The following MPPED1 variants were observed in gnomAD, a reference collection of about 807,000 sequenced individuals.
The protein encoded by MPPED1 is metallophosphoesterase domain containing 1.
MPPED1 carries 16 observed loss-of-function variants against 36.2 expected under a neutral mutation model. That is an observed-to-expected ratio of 0.44 (90% confidence interval 0.30 to 0.67). MPPED1 has a LOEUF of 0.67. MPPED1 is among the 30% of genes least tolerant of loss of function. The pLI is 0.10. For missense variants in MPPED1, 307 were observed against 453.4 expected, an observed-to-expected ratio of 0.68 and a Z score of 2.93; for synonymous variants, 199 against 191.3, an observed-to-expected ratio of 1.04 and a Z score of -0.33.
chr22:43,417,602 C>A (rs973324826), intron 1 of MPPED1: 13 of 154,684 alleles, frequency 8.4e-5, no homozygotes, highest in African/African-American at 1.4e-4. Context: ...TCTCCCCAGA[C>A]CCCCACACCT....
chr22:43,445,885 CT>C (rs1395810860), intron 3 of MPPED1, among the ~76,000 whole-genome samples: 6 of 101,068 alleles, frequency 5.9e-5, no homozygotes, highest in South Asian at 3.0e-4. Context: ...TTTACATTTT[CT>C]TTTTTTTTTT....
intron 3 of MPPED1, among the ~76,000 whole-genome samples, chr22:43,458,194 G>C (rs1930821588): frequency 6.6e-6 from 1 of 152,122 alleles, no homozygotes; most frequent in South Asian, 2.1e-4. Flanking sequence ...ATGCATCTCT[G>C]TCATTAACAG....
intron 4 of MPPED1, among the ~76,000 whole-genome samples, chr22:43,495,264 AGGT>A (rs1163197070): frequency 3.8e-4 from 40 of 104,676 alleles, no homozygotes; most frequent in Non-Finnish European, 6.2e-4. Context: ...GTGGTGATGG[AGGT>A]GGTGGTGGTG....
chr22:43,440,855 G>A (rs562924005), intron 3 of MPPED1, among the ~76,000 whole-genome samples: 1 of 152,128 alleles, frequency 6.6e-6, no homozygotes, highest in Non-Finnish European at 1.5e-5. Context: ...CTGGATGCAG[G>A]TTCCTCTAGT....
chr22:43,489,717 C>G (rs1386929166), intron 4 of MPPED1, among the ~76,000 whole-genome samples: 1 of 152,124 alleles, frequency 6.6e-6, no homozygotes, highest in East Asian at 1.9e-4. Flanking sequence ...CGGGTTTTCA[C>G]CACACTGGCC....
chr22:43,469,466 G>T (rs906891123), intron 3 of MPPED1, among the ~76,000 whole-genome samples: 1 of 152,260 alleles, frequency 6.6e-6, no homozygotes, highest in African/African-American at 2.4e-5. Flanking sequence ...CTATGTTCGG[G>T]TTGGTAAGAA....
chr22:43,447,878 TATATA>T (rs1350963340), intron 3 of MPPED1, among the ~76,000 whole-genome samples: 5 of 33,184 alleles, frequency 1.5e-4, no homozygotes, highest in Non-Finnish European at 2.0e-4. Flanking sequence ...TATATATATA[TATATA>T]TTTTTTTTTT....
At chr22:43,435,286 G>T in intron 3 of MPPED1, 71 bp downstream of exon 3, 1 of 1,492,684 alleles carries the variant, frequency 6.7e-7, no homozygotes, top group Non-Finnish European at 9.0e-7. Context: ...TCCCGAGGCT[G>T]CCTGCCTGCC....
intron 3 of MPPED1, among the ~76,000 whole-genome samples, chr22:43,464,806 A>G (rs1276716661): frequency 1.3e-5 from 2 of 152,170 alleles, no homozygotes; most frequent in Non-Finnish European, 2.9e-5. Context: ...TTGCTCAGCT[A>G]AGCCAGTCTA....
In MPPED1 at chr22:43,441,079, C is replaced by T. The variant is rs576904724; in HGVS notation, c.406+5864C>T. ...ACCTGCAGAATGCCTCCATCTCTCT[C>T]ATCCAGCCACTGCATTGTCTAGTCT... is the stretch of plus-strand genomic sequence containing the variant. On this transcript the variant is annotated intron_variant, in intron 3 of 6. Transcript: ENST00000443721. Among the ~76,000 whole-genome samples, 31 of 152,272 alleles carry T rather than the reference C, an allele frequency of 2.0e-4. No homozygotes were observed. In the South Asian group the frequency reaches 5.6e-3, roughly 28 times the overall value.
intron 4 of MPPED1, among the ~76,000 whole-genome samples, chr22:43,489,805 C>T (rs1002805970): frequency 2.0e-5 from 3 of 152,188 alleles, no homozygotes; most frequent in South Asian, 2.1e-4. Context: ...AGGCGTGAGC[C>T]GCTGCACCCG....
chr22:43,459,816 A>T (rs535091022), intron 3 of MPPED1, among the ~76,000 whole-genome samples: 11 of 152,234 alleles, frequency 7.2e-5, no homozygotes, highest in Admixed American at 7.2e-4. Context: ...TATATCCACC[A>T]TCTGGGTTTC....
At chr22:43,497,935 G>GTATA (rs753427064) in intron 4 of MPPED1, among the ~76,000 whole-genome samples, 4 of 128,364 alleles carry the variant, frequency 3.1e-5, no homozygotes, top group East Asian at 4.3e-4. Context: ...ATATGTATAT[G>GTATA]TATATATATA....
At chr22:43,415,220 A>G (rs1929035436) in intron 1 of MPPED1, among the ~76,000 whole-genome samples, 1 of 137,656 alleles carries the variant, frequency 7.3e-6, no homozygotes, top group Non-Finnish European at 1.6e-5. Context: ...CTAAAATGTC[A>G]AAAGCAAAAA....
intron 3 of MPPED1, among the ~76,000 whole-genome samples, chr22:43,438,477 G>T (rs1476544936): frequency 6.6e-6 from 1 of 152,130 alleles, no homozygotes; most frequent in African/African-American, 2.4e-5. Flanking sequence ...AGAGTGTGGG[G>T]CTGATCCTAA....
intron 1 of MPPED1, chr22:43,418,064 C>T (rs1473164699): frequency 4.4e-6 from 2 of 456,290 alleles, no homozygotes; most frequent in South Asian, 1.5e-5. Context: ...CCATATTATG[C>T]TAGCCCCCCA....
chr22:43,494,694 A>AGTGGTG lies in MPPED1; in HGVS notation c.633-3516_633-3511dup, dbSNP rs540041967. Among the ~76,000 whole-genome samples, 796 of 136,888 alleles carry AGTGGTG rather than the reference A, an allele frequency of 5.8e-3. 7 individuals are homozygous for AGTGGTG. The highest frequency in any genetic ancestry group is 0.016 in the African/African-American group (575 of 35,046). The allele number at this position is 136,888 out of a possible 152,430, so 89.8% of individuals were successfully genotyped here. A position where few individuals can be genotyped will look rare whatever the true frequency, so the allele number is the denominator to read the frequency against. On this transcript the variant is annotated intron_variant, in intron 4 of 6. Transcript: ENST00000443721. ...TTTTGGGGGACACAATTTGATTCAC[A>AGTGGTG]GTGGTGGTGGTGGTGGTGGTGGTGG... is the stretch of plus-strand genomic sequence containing the variant.
chr22:43,446,442 G>A (rs997590751), intron 3 of MPPED1, among the ~76,000 whole-genome samples: 10 of 152,142 alleles, frequency 6.6e-5, no homozygotes, highest in Non-Finnish European at 1.0e-4. Context: ...GGGAAGGGCC[G>A]GACCCTCTGC....
chr22:43,497,044 A>AGTGGTGGTGGAGATGGTGGTGGTGGAG (rs1932431335), intron 4 of MPPED1, among the ~76,000 whole-genome samples: 1 of 27,054 alleles, frequency 3.7e-5, no homozygotes, highest in Admixed American at 3.3e-4. Flanking sequence ...TGGTGGAGGT[A>AGTGGTGGTGGAGATGGTGGTGGTGGAG]GTGGTGGTGG....
Sources: gnomAD v4.1 joint callset for allele counts (sites outside exome capture counted in the v4.1 genomes callset) on GRCh38, gnomAD v4.1.1 for gene constraint, MANE v1.5 for transcripts, NCBI Gene and HGNC (gene_info 2026-07-23, HGNC 2026-07-21) for gene names.